Variants in TBL1XR1 observed in about 807,000 individuals in gnomAD.
TBL1XR1 encodes TBL1X/Y related 1, also known as F-box-like/WD repeat-containing protein TBL1XR1.
TBL1XR1 carries 5 observed loss-of-function variants against 66.9 expected under a neutral mutation model. That is an observed-to-expected ratio of 0.07 (90% CI 0.04 to 0.16). TBL1XR1 has a LOEUF of 0.16. Ranked by LOEUF, TBL1XR1 falls within the 10% of genes least tolerant of loss-of-function variation. The pLI is 1.00. For missense variants in TBL1XR1, 238 were observed against 623.2 expected (o/e 0.38, Z 6.58); for synonymous variants, 210 against 206.0 (o/e 1.02, Z -0.17).
intron 1 of TBL1XR1, among the ~76,000 whole-genome samples, chr3:177,124,260 G>A (rs529941886): frequency 6.6e-6 from 1 of 152,144 alleles, no homozygotes; most frequent in East Asian, 1.9e-4. Flanking sequence ...ATCCCAAGCA[G>A]AAAACCTTCA....
intron 2 of TBL1XR1, among the ~76,000 whole-genome samples, chr3:177,066,022 CCA>C (rs559887274): frequency 3.3e-4 from 50 of 152,142 alleles, no homozygotes; most frequent in Non-Finnish European, 6.5e-4. Context: ...TAGATTTGGT[CCA>C]CAGAGTGTAG....
At chr3:177,157,367 A>T (rs1373332655) in intron 1 of TBL1XR1, among the ~76,000 whole-genome samples, 1 of 152,204 alleles carries the variant, frequency 6.6e-6, no homozygotes, top group East Asian at 1.9e-4. Context: ...ACCATTCTTC[A>T]GCAGTCATTA....
Position 177,024,038 on chromosome 3 carries a change from A to T in TBL1XR1, c.*1460T>A, listed in dbSNP as rs781587918. The T allele has an allele frequency of 6.6e-6, 1 of 151,964 alleles. No individual in the cohort carries two copies. Among genetic ancestry groups the T allele is most frequent in the Non-Finnish European group, 1.5e-5 (1 of 67,910 alleles). The allele number at this position is 151,964 out of a possible 1,614,324, so 9.4% of individuals were successfully genotyped here. On this transcript the variant is annotated 3_prime_UTR_variant, in exon 16 of 16. Coordinates refer to ENST00000457928, the MANE Select transcript of TBL1XR1 (RefSeq NM_024665.7). ...TGCATGAGCACAAGGTTTAATATCTATATCTTTAAGAAAATACTTGATATT... is the reference window on the plus strand; with the variant it reads ...TGCATGAGCACAAGGTTTAATATCTTTATCTTTAAGAAAATACTTGATATT...
chr3:177,081,187 TTAA>T (rs1456244357), intron 2 of TBL1XR1, among the ~76,000 whole-genome samples: 1 of 152,212 alleles, frequency 6.6e-6, no homozygotes, highest in Non-Finnish European at 1.5e-5. Context: ...TTCAGAATCA[TTAA>T]TAAGATTTCT....
At chr3:177,167,528 A>AC (rs1010449837) in intron 1 of TBL1XR1, among the ~76,000 whole-genome samples, 3 of 152,228 alleles carry the variant, frequency 2.0e-5, no homozygotes, top group African/African-American at 7.2e-5. Flanking sequence ...TAACCAACGT[A>AC]CCACTCTGGT....
intron 1 of TBL1XR1, among the ~76,000 whole-genome samples, chr3:177,165,311 A>C (rs1171973837): frequency 6.6e-6 from 1 of 152,196 alleles, no homozygotes; most frequent in Non-Finnish European, 1.5e-5. Context: ...TATGGATAAG[A>C]TCTATATGAA....
At chr3:177,114,306 GAT>G (rs1452635946) in intron 1 of TBL1XR1, among the ~76,000 whole-genome samples, 1 of 150,100 alleles carries the variant, frequency 6.7e-6, no homozygotes, top group African/African-American at 2.5e-5. Context: ...ACATATATAT[GAT>G]ATATGATATA....
chr3:177,120,679 ACTTT>A (rs1474238943), intron 1 of TBL1XR1: 3 of 152,056 alleles, frequency 2.0e-5, no homozygotes, highest in Non-Finnish European at 4.4e-5. Flanking sequence ...TCCCAAATTT[ACTTT>A]TTTTATTTTT....
At chr3:177,091,601 A>G (rs1215473576) in intron 2 of TBL1XR1, among the ~76,000 whole-genome samples, 2 of 152,186 alleles carry the variant, frequency 1.3e-5, no homozygotes, top group African/African-American at 4.8e-5. Context: ...AGTCAACTTG[A>G]AAAGGCTCTT....
At chr3:177,061,441 G>GT (rs746954931) in intron 3 of TBL1XR1, among the ~76,000 whole-genome samples, 5 of 152,182 alleles carry the variant, frequency 3.3e-5, no homozygotes, top group Non-Finnish European at 5.9e-5. Flanking sequence ...CATAAAAAAA[G>GT]TATTACTAAA....
At chr3:177,160,947 G>T (rs529562226) in intron 1 of TBL1XR1, 3 of 148,456 alleles carry the variant, frequency 2.0e-5, no homozygotes, top group Admixed American at 6.8e-5. Context: ...AGTGAGCCGA[G>T]AACACGCCAC....
intron 2 of TBL1XR1, among the ~76,000 whole-genome samples, chr3:177,085,091 C>T (rs1331600538): frequency 6.6e-6 from 1 of 152,154 alleles, no homozygotes; most frequent in Non-Finnish European, 1.5e-5. Context: ...AAAAACGAGG[C>T]CTCCAGGAAC....
At chr3:177,109,669 CA>C (rs1335087583) in intron 1 of TBL1XR1, among the ~76,000 whole-genome samples, 1 of 152,038 alleles carries the variant, frequency 6.6e-6, no homozygotes, top group African/African-American at 2.4e-5. Context: ...TGCTCTCTCA[CA>C]GTTTAAATTC....
chr3:177,103,007 T>C (rs1012845759), intron 1 of TBL1XR1, among the ~76,000 whole-genome samples: 4 of 152,186 alleles, frequency 2.6e-5, no homozygotes, highest in Non-Finnish European at 5.9e-5. Context: ...TGAACATACA[T>C]GATTCTTAAG....
chr3:177,191,670 C>G (rs138490029), intron 1 of TBL1XR1, among the ~76,000 whole-genome samples: 22 of 152,268 alleles, frequency 1.4e-4, no homozygotes, highest in African/African-American at 4.8e-4. Flanking sequence ...TAGACAGCAT[C>G]TGATAATACG....
intron 2 of TBL1XR1, among the ~76,000 whole-genome samples, chr3:177,075,371 C>T (rs1331463566): frequency 6.6e-6 from 1 of 152,312 alleles, no homozygotes; most frequent in East Asian, 1.9e-4. Context: ...GGGCCCATGC[C>T]AATAACGTCA....
intron 1 of TBL1XR1, among the ~76,000 whole-genome samples, chr3:177,155,335 T>C (rs944661337): frequency 6.6e-6 from 1 of 152,162 alleles, no homozygotes; most frequent in Admixed American, 6.5e-5. Context: ...GTATTGTGAA[T>C]TATGAAAAAT....
At position 177,022,285 on chromosome 3, in the gene TBL1XR1, G is replaced by T. The variant is rs1324490087; in HGVS notation, c.*3213C>A. ...TACACCACAAAAGGAGGCACTTTCA[G>T]TATCTGTAAAAGGTATTTAATCCTA... On this transcript the variant is annotated 3_prime_UTR_variant, in exon 16 of 16. Coordinates refer to ENST00000457928, the MANE Select transcript of TBL1XR1 (RefSeq NM_024665.7). 6.6e-6 allele frequency: 1 copy of T among 152,408 alleles called. No homozygotes were observed. The highest frequency in any genetic ancestry group is 2.4e-5 in the African/African-American group (1 of 41,414). 9.4% of individuals were successfully genotyped at this position (152,408 alleles called of 1,614,324 possible).
intron 1 of TBL1XR1, among the ~76,000 whole-genome samples, chr3:177,181,968 C>G (rs991531516): frequency 1.3e-5 from 2 of 152,166 alleles, no homozygotes; most frequent in Non-Finnish European, 2.9e-5. Flanking sequence ...ATCTTTTACC[C>G]ACATTTTGAG....
Sources: allele counts gnomAD v4.1 joint callset (sites outside exome capture counted in the v4.1 genomes callset), GRCh38; gene constraint gnomAD v4.1.1; transcripts MANE v1.5; gene names NCBI Gene and HGNC (gene_info 2026-07-23, HGNC 2026-07-21).